The following PITPNB variants were observed in gnomAD, a reference collection of about 807,000 sequenced individuals.
The protein encoded by PITPNB is phosphatidylinositol transfer protein beta.
Under a neutral mutation model 45.9 loss-of-function variants are expected in PITPNB, and 16 were observed. The observed-to-expected ratio is 0.35, with a 90% CI of 0.24 to 0.53. The LOEUF (loss-of-function observed/expected upper bound fraction) is 0.53, where lower values mean the gene tolerates loss of function less well. Among genes scored for constraint, PITPNB ranks in the 20% least tolerant of loss-of-function variants. The pLI is 0.93. For synonymous variants in PITPNB, 112 were observed against 108.9 expected (o/e 1.03, Z -0.18); for missense variants, 188 against 330.5 (o/e 0.57, Z 3.34).
At chr22:27,909,956 T>C (rs1419289447) in intron 3 of PITPNB, among the ~76,000 whole-genome samples, 1 of 150,250 alleles carries the variant, frequency 6.7e-6, no homozygotes, top group Non-Finnish European at 1.5e-5. Context: ...ATTTCTTTTT[T>C]TTTTTTTTTT....
Position 27,858,403 on chromosome 22 carries a change from T to C in PITPNB, c.752A>G (p.Gln251Arg). 1 of 1,606,994 alleles carries C rather than the reference T, an allele frequency of 6.2e-7. No homozygotes were observed. Among genetic ancestry groups the C allele is most frequent in the Non-Finnish European group, 8.5e-7 (1 of 1,177,076 alleles). ...EDIRRMEDET[Q>R]KELETMRKRG... Reference sequence around the variant, plus strand: ...CAGTCTTACTGTTTCTAGTTCTTTCTGAGTCTCGTCTTCCATTCTCCTAAT... The same window carrying C: ...CAGTCTTACTGTTTCTAGTTCTTTCCGAGTCTCGTCTTCCATTCTCCTAAT... Residue 251 changes from glutamine (Q) to arginine (R), a missense_variant, in exon 10 of 12, where the codon CAG becomes CGG. Transcript: ENST00000335272.
intron 6 of PITPNB, 96 bp from the exon 7 acceptor site, chr22:27,894,734 T>C (rs956186701): frequency 1.6e-6 from 1 of 623,462 alleles, no homozygotes; most frequent in Non-Finnish European, 2.8e-6. Context: ...CAGGGGACAT[T>C]ATAGGGAATT....
At chr22:27,894,695 T>C in intron 6 of PITPNB, 57 bp from the exon 7 acceptor site, 1 of 983,692 alleles carries the variant, frequency 1.0e-6, no homozygotes, top group Non-Finnish European at 1.6e-6. Context: ...CTATTATGCT[T>C]ACACATATAA....
intron 1 of PITPNB, among the ~76,000 whole-genome samples, chr22:27,917,865 C>T (rs1181903455): frequency 6.6e-6 from 1 of 152,102 alleles, no homozygotes; most frequent in Non-Finnish European, 1.5e-5. Flanking sequence ...AAGACAAATA[C>T]CACCCCAAAT....
At chr22:27,900,647 G>A (rs1302417101) in intron 3 of PITPNB, among the ~76,000 whole-genome samples, 1 of 152,116 alleles carries the variant, frequency 6.6e-6, no homozygotes, top group African/African-American at 2.4e-5. Flanking sequence ...CGAGGAAAAT[G>A]TGCACATGGA....
chr22:27,912,990 A>C (rs1231218564), intron 2 of PITPNB, among the ~76,000 whole-genome samples: 2 of 151,112 alleles, frequency 1.3e-5, no homozygotes, highest in African/African-American at 2.4e-5. Flanking sequence ...CTCCAAAAAA[A>C]AAAAAAAAAA....
At chr22:27,862,546 G>A (rs1205810928) in intron 8 of PITPNB, among the ~76,000 whole-genome samples, 2 of 152,090 alleles carry the variant, frequency 1.3e-5, no homozygotes, top group Non-Finnish European at 2.9e-5. Context: ...CTGTTCTCTT[G>A]CAGGTGAGCT....
At chr22:27,857,911 G>A (rs1934218203) in intron 10 of PITPNB, among the ~76,000 whole-genome samples, 1 of 151,910 alleles carries the variant, frequency 6.6e-6, no homozygotes, top group African/African-American at 2.4e-5. Context: ...TGCCAGTTGG[G>A]GGAAGCAGAG....
intron 3 of PITPNB, among the ~76,000 whole-genome samples, chr22:27,902,090 G>A (rs576793751): frequency 7.2e-5 from 11 of 151,982 alleles, no homozygotes; most frequent in Admixed American, 2.0e-4. Flanking sequence ...AATACAAAGA[G>A]AATTACTTAA....
intron 7 of PITPNB, among the ~76,000 whole-genome samples, chr22:27,887,454 C>CA (rs1009974030): frequency 3.9e-5 from 6 of 151,944 alleles, no homozygotes; most frequent in African/African-American, 1.5e-4. Flanking sequence ...TGGATCTGGC[C>CA]ATTCAACCAT....
At position 27,919,230 on chromosome 22, in the gene PITPNB, G is replaced by C. The variant is rs750183919; in HGVS notation, c.-39C>G. On this transcript the variant is annotated 5_prime_UTR_variant, in exon 1 of 12. Coordinates refer to ENST00000335272, the MANE Select transcript of PITPNB (RefSeq NM_012399.5). ...CCTCACAGCTGCCGCCGATACCACCGCCGCCGCCGCCGCTACCGCCTCTCA... is the reference window on the plus strand; with the variant it reads ...CCTCACAGCTGCCGCCGATACCACCCCCGCCGCCGCCGCTACCGCCTCTCA... 8.4e-6 allele frequency: 12 copies of C among 1,432,326 alleles called. No individual in the cohort carries two copies. In the Admixed American group the frequency reaches 1.9e-4, roughly 22 times the overall value. 88.7% of individuals were successfully genotyped at this position (1,432,326 alleles called of 1,614,324 possible).
At chr22:27,878,888 A>T (rs1174947500) in intron 7 of PITPNB, among the ~76,000 whole-genome samples, 1 of 152,250 alleles carries the variant, frequency 6.6e-6, no homozygotes, top group Non-Finnish European at 1.5e-5. Flanking sequence ...TCAGAGGGAC[A>T]AAACTGCATT....
chr22:27,916,511 T>C lies in PITPNB; in HGVS notation c.21-2164A>G, dbSNP rs114609330. On this transcript the variant is annotated intron_variant, in intron 1 of 11. Transcript: ENST00000335272. ...AAGTCATTTCTAACATTTTAATTCT[T>C]ATAAAAAAATAAATAGAGGGCCAGG... Among the ~76,000 whole-genome samples the C allele has an allele frequency of 1.1e-3, 173 of 152,268 alleles. 1 individual carries two copies. Among genetic ancestry groups the C allele is most frequent in the Middle Eastern group, 3.4e-3 (1 of 294 alleles).
At chr22:27,917,432 C>A (rs963350495) in intron 1 of PITPNB, among the ~76,000 whole-genome samples, 3 of 152,184 alleles carry the variant, frequency 2.0e-5, no homozygotes, top group African/African-American at 7.2e-5. Context: ...TTATTTTCTC[C>A]ATTTGTTTTA....
At chr22:27,891,068 AG>A (rs1935264514) in intron 7 of PITPNB, among the ~76,000 whole-genome samples, 1 of 150,722 alleles carries the variant, frequency 6.6e-6, no homozygotes, top group Non-Finnish European at 1.5e-5. Flanking sequence ...GCCAGAGGTT[AG>A]GGGGAAGGAG....
intron 2 of PITPNB, among the ~76,000 whole-genome samples, chr22:27,913,583 A>G (rs1394260847): frequency 6.6e-6 from 1 of 152,232 alleles, no homozygotes; most frequent in African/African-American, 2.4e-5. Context: ...TTTCTGTATC[A>G]TGTCCAGACT....
intron 3 of PITPNB, among the ~76,000 whole-genome samples, chr22:27,901,229 C>T (rs1935583153): frequency 6.6e-6 from 1 of 152,192 alleles, no homozygotes; most frequent in South Asian, 2.1e-4. Context: ...CTGAATAGTA[C>T]TTTAAGACTA....
At chr22:27,917,792 T>C (rs552540783) in intron 1 of PITPNB, among the ~76,000 whole-genome samples, 1 of 152,250 alleles carries the variant, frequency 6.6e-6, no homozygotes, top group East Asian at 1.9e-4. Context: ...AGAAAAATAA[T>C]AATAATAAAT....
At chr22:27,896,990 A>G (rs1387588223) in intron 5 of PITPNB, 140 bp downstream of exon 5, 1 of 727,124 alleles carries the variant, frequency 1.4e-6, no homozygotes, top group Non-Finnish European at 2.5e-6. Flanking sequence ...CATGTGGTAG[A>G]GTGTGGCGGC....
Sources: allele counts gnomAD v4.1 joint callset (sites outside exome capture counted in the v4.1 genomes callset), GRCh38; gene constraint gnomAD v4.1.1; transcripts MANE v1.5; gene names NCBI Gene and HGNC (gene_info 2026-07-23, HGNC 2026-07-21).